Variants in EYA2 observed in about 807,000 individuals in gnomAD.
EYA2 encodes the protein EYA transcriptional coactivator and phosphatase 2, also known as protein phosphatase EYA2.
Under a neutral mutation model 69.2 loss-of-function variants are expected in EYA2, and 31 were observed. The observed-to-expected ratio is 0.45, with a 90% CI of 0.34 to 0.60. The LOEUF (loss-of-function observed/expected upper bound fraction) is 0.60, where lower values mean the gene tolerates loss of function less well. Ranked by LOEUF, EYA2 falls within the 20% of genes least tolerant of loss-of-function variation. EYA2 has a pLI of 0.02. For missense variants in EYA2, 622 were observed against 701.2 expected (o/e 0.89, Z 1.28); for synonymous variants, 257 against 279.4 (o/e 0.92, Z 0.80).
At chr20:47,185,573 A>G (rs886820214) in intron 15 of EYA2, among the ~76,000 whole-genome samples, 5 of 152,082 alleles carry the variant, frequency 3.3e-5, no homozygotes, top group African/African-American at 1.2e-4. Flanking sequence ...AAGTACTGGG[A>G]TTAGAGGTGT....
chr20:47,061,133 C>T (rs111641990), intron 5 of EYA2, among the ~76,000 whole-genome samples: 27 of 152,264 alleles, frequency 1.8e-4, no homozygotes, highest in African/African-American at 6.5e-4. Flanking sequence ...GGATTACAGA[C>T]ATGAGCCACC....
chr20:47,148,633 C>T (rs1236447577), intron 10 of EYA2, among the ~76,000 whole-genome samples: 1 of 152,204 alleles, frequency 6.6e-6, no homozygotes, highest in African/African-American at 2.4e-5. Flanking sequence ...GACACTCCCT[C>T]CCCTGCTCCC....
chr20:47,062,637 A>AC (rs1276629567), intron 5 of EYA2, among the ~76,000 whole-genome samples: 1 of 152,196 alleles, frequency 6.6e-6, no homozygotes, highest in Non-Finnish European at 1.5e-5. Context: ...CAGCTCTGGC[A>AC]CATGAGCTGT....
chr20:47,051,313 C>G (rs2030319730), intron 5 of EYA2, among the ~76,000 whole-genome samples: 1 of 152,220 alleles, frequency 6.6e-6, no homozygotes, highest in South Asian at 2.1e-4. Context: ...GTATGTGCAC[C>G]ACATACATCT....
chr20:47,039,146 T>C (rs542256712), intron 5 of EYA2, among the ~76,000 whole-genome samples: 58 of 129,326 alleles, frequency 4.5e-4, no homozygotes, highest in Admixed American at 7.7e-4. Flanking sequence ...CGCACAATTC[T>C]ATAATGTGAG....
At chr20:46,962,121 T>C (rs1193798963) in intron 1 of EYA2, among the ~76,000 whole-genome samples, 1 of 152,212 alleles carries the variant, frequency 6.6e-6, no homozygotes. Flanking sequence ...CTCAACCTCC[T>C]GGGCTTAAGT....
chr20:47,046,914 A>G (rs922204483), intron 5 of EYA2, among the ~76,000 whole-genome samples: 3 of 152,184 alleles, frequency 2.0e-5, no homozygotes, highest in African/African-American at 2.4e-5. Flanking sequence ...AACCTTAGAC[A>G]TGTTACTTAA....
intron 1 of EYA2, among the ~76,000 whole-genome samples, chr20:46,914,176 C>T (rs1415637130): frequency 1.3e-5 from 2 of 152,226 alleles, no homozygotes; most frequent in African/African-American, 2.4e-5. Flanking sequence ...CAGGTCTGCT[C>T]AGTGGATCTG....
At chr20:46,898,545 A>T (rs1326104435) in intron 1 of EYA2, among the ~76,000 whole-genome samples, 1 of 152,190 alleles carries the variant, frequency 6.6e-6, no homozygotes, top group East Asian at 1.9e-4. Context: ...AGTCCTAAAC[A>T]TACAAAACAA....
intron 5 of EYA2, among the ~76,000 whole-genome samples, chr20:47,037,499 G>T (rs1454347698): frequency 1.3e-5 from 2 of 152,164 alleles, no homozygotes; most frequent in Non-Finnish European, 2.9e-5. Flanking sequence ...CACAAACTTC[G>T]TGGCTTAAAA....
chr20:46,986,421 A>ATATAATATATAGATCTATATAATATC (rs1284933589), intron 1 of EYA2, among the ~76,000 whole-genome samples: 1 of 146,788 alleles, frequency 6.8e-6, no homozygotes, highest in Non-Finnish European at 1.5e-5. Flanking sequence ...TAATATCTAT[A>ATATAATATATAGATCTATATAATATC]TATATAATAT....
At chr20:47,016,387 G>A in intron 5 of EYA2, 90 bp downstream of exon 5, 1 of 961,080 alleles carries the variant, frequency 1.0e-6, no homozygotes, top group East Asian at 2.4e-5. Context: ...CAGATTTTTT[G>A]AGCACCTACT....
At chr20:46,920,724 C>A (rs1231324705) in intron 1 of EYA2, among the ~76,000 whole-genome samples, 1 of 152,164 alleles carries the variant, frequency 6.6e-6, no homozygotes, top group Non-Finnish European at 1.5e-5. Flanking sequence ...CATTCCAGGC[C>A]CCAGGGACAC....
chr20:46,959,466 T>G (rs916745630), intron 1 of EYA2, among the ~76,000 whole-genome samples: 1 of 151,928 alleles, frequency 6.6e-6, no homozygotes, highest in African/African-American at 2.4e-5. Context: ...GTGGCAGGGG[T>G]GTGGAGTGAA....
rs986290939 is a variant in EYA2 at position 47,024,232 on chromosome 20, G to T, written c.415+7935G>T. Among the ~76,000 whole-genome samples the T allele has an allele frequency of 7.7e-4, 117 of 152,324 alleles. 1 individual carries two copies. Among genetic ancestry groups the T allele is most frequent in the African/African-American group, 2.7e-3 (112 of 41,566 alleles). On this transcript the variant is annotated intron_variant, in intron 5 of 15. Transcript: ENST00000327619. The stretch of plus-strand genomic sequence containing the variant: ...CTTTTGAGCTTTGTTCTGGGATGCA[G>T]TTAGGTTACTTAGAAACTGTTGAAT...
chr20:47,156,033 C>T (rs919942649), intron 10 of EYA2, among the ~76,000 whole-genome samples: 23 of 111,120 alleles, frequency 2.1e-4, no homozygotes, highest in Middle Eastern at 3.9e-3. Flanking sequence ...TATATATATA[C>T]ATACACACAC....
At chr20:47,182,628 T>TCAAAAAAAACAAAAA in intron 14 of EYA2, among the ~76,000 whole-genome samples, 1 of 84,340 alleles carries the variant, frequency 1.2e-5, no homozygotes, top group Non-Finnish European at 2.1e-5. Context: ...AGACTCCGTC[T>TCAAAAAAAACAAAAA]AAAAAAAAAA....
intron 2 of EYA2, among the ~76,000 whole-genome samples, chr20:46,994,938 C>T (rs57055462): frequency 6.6e-6 from 1 of 151,166 alleles, no homozygotes; most frequent in African/African-American, 2.4e-5. Flanking sequence ...TTCGCTCTTG[C>T]GAACCAGGCT....
chr20:47,183,386 A>T lies in EYA2; in HGVS notation c.1531A>T (p.Lys511Ter). 1 of 1,613,718 alleles carries T rather than the reference A, an allele frequency of 6.2e-7. No homozygotes were observed. Among genetic ancestry groups the T allele is most frequent in the Non-Finnish European group, 8.5e-7 (1 of 1,179,702 alleles). Residue 511 changes from lysine (K) to a stop codon, truncating the protein, a stop_gained, in exon 15 of 16, where the codon AAA becomes TAA. Coordinates refer to ENST00000327619, the MANE Select transcript of EYA2 (RefSeq NM_005244.5). LOFTEE classifies it high-confidence loss of function. Reference sequence around the variant, plus strand: ...TGGTGTGGAAGAGGAGCAAGGAGCGAAAAAGGTACTTCTTCCACCTCTCAG... The same window carrying T: ...TGGTGTGGAAGAGGAGCAAGGAGCGTAAAAGGTACTTCTTCCACCTCTCAG... ...GDGVEEEQGA[K>*]KHNMPFWRIS...
Sources: gnomAD v4.1 joint callset for allele counts (sites outside exome capture counted in the v4.1 genomes callset) on GRCh38, gnomAD v4.1.1 for gene constraint, MANE v1.5 for transcripts, NCBI Gene and HGNC (gene_info 2026-07-23, HGNC 2026-07-21) for gene names.